The following CFAP74 variants were observed in gnomAD, a reference collection of about 807,000 sequenced individuals.
The protein encoded by CFAP74 is cilia- and flagella-associated protein 74.
A neutral mutation model predicts 188.9 loss-of-function variants in CFAP74; 124 were observed. That is an observed-to-expected ratio of 0.66 (90% confidence interval 0.57 to 0.76). The LOEUF (loss-of-function observed/expected upper bound fraction) is 0.76, where lower values mean the gene tolerates loss of function less well. Among genes scored for constraint, CFAP74 ranks in the 30% least tolerant of loss-of-function variants. The pLI, the probability that CFAP74 is intolerant of heterozygous loss-of-function variation, is 0.00. For synonymous variants in CFAP74, 956 were observed against 916.7 expected, an observed-to-expected ratio of 1.04 and a Z score of -0.77; for missense variants, 2,198 against 2,165.2, an observed-to-expected ratio of 1.02 and a Z score of -0.30.
intron 1 of CFAP74, among the ~76,000 whole-genome samples, chr1:1,993,198 C>CAA (rs58970740): frequency 1.2e-4 from 11 of 90,440 alleles, no homozygotes; most frequent in African/African-American, 2.0e-4. Context: ...AAGACTGTCT[C>CAA]AAAAAAAAAA....
At chr1:1,938,824 C>T (rs1653141998) in intron 25 of CFAP74, 31 bp downstream of exon 25, 3 of 1,533,680 alleles carry the variant, frequency 2.0e-6, no homozygotes, top group Middle Eastern at 1.7e-4. Flanking sequence ...CACTCCAGGC[C>T]CCCTGCGTCC....
chr1:1,964,635 C>T (rs1655330593), intron 13 of CFAP74, among the ~76,000 whole-genome samples: 1 of 152,270 alleles, frequency 6.6e-6, no homozygotes, highest in East Asian at 1.9e-4. Context: ...ACTAAAAATA[C>T]AAAAATTAGC....
At chr1:1,979,013 T>C (rs1209850019) in intron 6 of CFAP74, among the ~76,000 whole-genome samples, 6 of 146,538 alleles carry the variant, frequency 4.1e-5, no homozygotes, top group African/African-American at 1.5e-4. Context: ...AGAACACGTG[T>C]GTCGTGCTGA....
chr1:1,932,551 G>C (rs1652497293), intron 25 of CFAP74, among the ~76,000 whole-genome samples: 1 of 151,744 alleles, frequency 6.6e-6, no homozygotes, highest in Admixed American at 6.6e-5. Flanking sequence ...TTTTTGAGTG[G>C]AGATATTATT....
At position 1,925,771 on chromosome 1, in the gene CFAP74, C is replaced by G; in HGVS notation, c.4104+12G>C. On this transcript the variant is annotated intron_variant, in intron 33 of 38. Transcript: ENST00000682832. ...AGGCTGGAGCCAGCACCAGGGCCCA[C>G]GTGTGCTTCACCTTGAAGCCTGAGG... 1 of 1,606,612 alleles carries G rather than the reference C, an allele frequency of 6.2e-7. No individual in the cohort carries two copies. Among genetic ancestry groups the G allele is most frequent in the Non-Finnish European group, 8.5e-7 (1 of 1,175,610 alleles).
Position 1,930,367 on chromosome 1 carries a change from C to G in CFAP74, c.3012-31G>C, listed in dbSNP as rs754432235. 2.0e-6 allele frequency: 3 copies of G among 1,490,372 alleles called. No homozygotes were observed. The East Asian group carries it at 7.4e-5, about 37-fold the overall frequency. The allele number at this position is 1,490,372 out of a possible 1,614,324, so 92.3% of individuals were successfully genotyped here. Reference sequence around the variant, plus strand: ...AGCAGCAGCATGGGAGGCCCTCAGCCGTGCAGGGCGTCCGTGTCCCTCTGC... The same window carrying G: ...AGCAGCAGCATGGGAGGCCCTCAGCGGTGCAGGGCGTCCGTGTCCCTCTGC... On this transcript the variant is annotated intron_variant, in intron 25 of 38. Transcript: ENST00000682832.
chr1:1,989,885 C>T (rs1657471130), intron 2 of CFAP74, among the ~76,000 whole-genome samples: 1 of 152,194 alleles, frequency 6.6e-6, no homozygotes, highest in African/African-American at 2.4e-5. Context: ...CTGAGGGTCC[C>T]TTAGTGTCCT....
chr1:1,960,815 CGA>C (rs1184618759), intron 14 of CFAP74, among the ~76,000 whole-genome samples: 1 of 152,164 alleles, frequency 6.6e-6, no homozygotes, highest in Non-Finnish European at 1.5e-5. Context: ...GAGCAGAATC[CGA>C]GAGGGTGGAC....
chr1:1,938,510 A>G (rs1177251913), intron 25 of CFAP74, among the ~76,000 whole-genome samples: 2 of 150,912 alleles, frequency 1.3e-5, no homozygotes, highest in African/African-American at 4.9e-5. Context: ...ACACACCCCC[A>G]TATGCACTCA....
Position 1,966,530 on chromosome 1 carries a change from C to A in CFAP74, c.1246-4G>T, listed in dbSNP as rs544429524. 1 of 1,541,930 alleles carries A rather than the reference C, an allele frequency of 6.5e-7. No homozygotes were observed. Among genetic ancestry groups the A allele is most frequent in the Non-Finnish European group, 8.8e-7 (1 of 1,140,808 alleles). On this transcript the variant is annotated splice_region_variant and splice_polypyrimidine_tract_variant and intron_variant, in intron 11 of 38. Coordinates refer to ENST00000682832, the MANE Select transcript of CFAP74 (RefSeq NM_001304360.2). ...GGCCTGCAGCAGCCTCGTAGTCCTG[C>A]AGTCGGGGAGAGGAACATCGCAAAG...
Position 1,924,438 on chromosome 1 carries a change from T to G in CFAP74, c.4187A>C (p.Gln1396Pro), listed in dbSNP as rs774835326. The G allele has an allele frequency of 2.1e-6, 3 of 1,433,024 alleles. No homozygotes were observed. In the Admixed American group the frequency reaches 6.4e-5, roughly 31 times the overall value. The allele number at this position is 1,433,024 out of a possible 1,614,324, so 88.8% of individuals were successfully genotyped here. ...LSSTRGRGQQQLPQFLSSPSQ... is the reference protein window; with the variant it reads ...LSSTRGRGQQPLPQFLSSPSQ... ...GGGCGAGCTGAGGAACTGCGGCAGC[T>G]GCTGCTGGCCCCGGCCCCGGGTGCT... The change falls in exon 34 of 39, where the codon CAG becomes CCG. Residue 1396 changes from glutamine (Q) to proline (P), a missense_variant. Transcript: ENST00000682832.
chr1:1,970,791 C>T lies in CFAP74; in HGVS notation c.914G>A (p.Trp305Ter). 5 of 1,614,172 alleles carry T rather than the reference C, an allele frequency of 3.1e-6. No homozygotes were observed. The highest frequency in any genetic ancestry group is 4.2e-6 in the Non-Finnish European group (5 of 1,180,010). The change falls in exon 10 of 39, where the codon TGG (tryptophan) becomes TAG (stop). Residue 305 changes from tryptophan to a stop codon, truncating the protein, a stop_gained. Coordinates refer to ENST00000682832, the MANE Select transcript of CFAP74 (RefSeq NM_001304360.2). LOFTEE classifies it high-confidence loss of function. ...CGCCAGCTCTGCCTTGGCACGGTCC[C>T]ATGCTTGGAACTTCCGCAGTGTGTC... ...NRDTLRKFQA[W>*]DRAKAELAEQ...
At position 1,975,408 on chromosome 1, in the gene CFAP74, T is replaced by C. The variant is rs557496235; in HGVS notation, c.501-1210A>G. Among the ~76,000 whole-genome samples the C allele has an allele frequency of 6.6e-6, 1 of 152,334 alleles. No homozygotes were observed. The highest frequency in any genetic ancestry group is 6.5e-5 in the Admixed American group (1 of 15,298). Reference sequence around the variant, plus strand: ...ACTCCAACTTGGCAAGGGAGGTGTGTCTGCGTGTCTCACACGTGGCTGGAT... The same window carrying C: ...ACTCCAACTTGGCAAGGGAGGTGTGCCTGCGTGTCTCACACGTGGCTGGAT... On this transcript the variant is annotated intron_variant, in intron 6 of 38. Coordinates refer to ENST00000682832, the MANE Select transcript of CFAP74 (RefSeq NM_001304360.2). The surrounding 1 kb of genome is among the most constrained non-coding windows in gnomAD (Gnocchi z 4.5).
rs1352409754 is a variant in CFAP74 at position 1,940,378 on chromosome 1, T to C, written c.2641A>G (p.Arg881Gly). 2 of 1,534,358 alleles carry C rather than the reference T, an allele frequency of 1.3e-6. No homozygotes were observed. Among genetic ancestry groups the C allele is most frequent in the Non-Finnish European group, 1.7e-6 (2 of 1,146,132 alleles). ...PRHSLPEDAG[R>G]YFDKETRVLE... ...ACTCGGGTCTCCTTGTCAAAATACC[T>C]CCCTGCGTCCTCCGGGAGGGAGTGT... The change falls in exon 23 of 39, where the codon AGG becomes GGG. Residue 881 changes from arginine to glycine, a missense_variant. Coordinates refer to ENST00000682832, the MANE Select transcript of CFAP74 (RefSeq NM_001304360.2).
At chr1:1,956,577 G>T in intron 17 of CFAP74, 43 bp downstream of exon 17, 1 of 1,611,482 alleles carries the variant, frequency 6.2e-7, no homozygotes, top group South Asian at 1.1e-5. Context: ...TGGATTTGGG[G>T]GGCAGGTCCC....
intron 18 of CFAP74, among the ~76,000 whole-genome samples, chr1:1,951,577 G>A (rs1448690985): frequency 6.6e-6 from 1 of 152,162 alleles, no homozygotes; most frequent in Admixed American, 6.5e-5. Context: ...GGTAGTGTAA[G>A]TCCTTGAAAT....
At chr1:1,982,998 A>G (rs1166519343) in intron 6 of CFAP74, among the ~76,000 whole-genome samples, 1 of 152,266 alleles carries the variant, frequency 6.6e-6, no homozygotes, top group Admixed American at 6.5e-5. Context: ...AAACGCCCAC[A>G]GAGCGGCAGA....
intron 1 of CFAP74, among the ~76,000 whole-genome samples, chr1:1,998,055 A>T (rs1178055157): frequency 6.6e-6 from 1 of 152,166 alleles, no homozygotes; most frequent in Non-Finnish European, 1.5e-5. Flanking sequence ...AGGCGGGTGG[A>T]TCACCTGAGG....
intron 1 of CFAP74, among the ~76,000 whole-genome samples, chr1:1,994,126 C>CTGCA (rs1657788393): frequency 2.0e-5 from 3 of 148,814 alleles, no homozygotes; most frequent in South Asian, 4.2e-4. Flanking sequence ...GATTGTGCCA[C>CTGCA]TGCAGGCCAG....
Sources: allele counts gnomAD v4.1 joint callset (sites outside exome capture counted in the v4.1 genomes callset), GRCh38; gene constraint gnomAD v4.1.1; non-coding constraint Gnocchi (gnomAD v3.1); transcripts MANE v1.5; gene names NCBI Gene and HGNC (gene_info 2026-07-23, HGNC 2026-07-21).